NAV2: variants seen among roughly 807,000 people sequenced by gnomAD.
The protein encoded by NAV2 is helicase, APC down-regulated 1.
A neutral mutation model predicts 223.2 loss-of-function variants in NAV2; 54 were observed. The observed-to-expected ratio is 0.24, with a 90% CI of 0.19 to 0.30. The LOEUF (loss-of-function observed/expected upper bound fraction) is 0.30. Among genes scored for constraint, NAV2 ranks in the 10% least tolerant of loss-of-function variants. The pLI is 1.00. For synonymous variants in NAV2, 1,279 were observed against 1,239.3 expected (o/e 1.03, Z -0.67); for missense variants, 2,806 against 3,147.5 (o/e 0.89, Z 2.60).
chr11:19,420,656 C>T lies in NAV2; in HGVS notation c.75+69629C>T, dbSNP rs146115581. 1.1e-3 allele frequency among the ~76,000 whole-genome samples: 166 copies of T among 152,256 alleles called. 1 individual carries two copies. Among genetic ancestry groups the T allele is most frequent in the African/African-American group, 3.7e-3 (155 of 41,552 alleles). The stretch of plus-strand genomic sequence containing the variant: ...AAGAAGCCAGACACAAGACTCCATA[C>T]GTACGATTTCACTTCTATAAAGTTC... On this transcript the variant is annotated intron_variant, in intron 1 of 37. Transcript: ENST00000360655.
chr11:19,506,304 G>A (rs924419295), intron 1 of NAV2: 13 of 152,230 alleles, frequency 8.5e-5, no homozygotes, highest in Non-Finnish European at 1.8e-4. Flanking sequence ...TCCAGGACTT[G>A]TAGCCGATCT....
chr11:19,596,870 T>C (rs924053671), intron 1 of NAV2, among the ~76,000 whole-genome samples: 1 of 152,222 alleles, frequency 6.6e-6, no homozygotes, highest in Non-Finnish European at 1.5e-5. Context: ...GCTGTTCGTC[T>C]TTACGGCAAA....
At chr11:19,454,950 GCAGCAGCATCACCTGCGAA>G (rs1241323136) in intron 1 of NAV2, among the ~76,000 whole-genome samples, 1 of 152,178 alleles carries the variant, frequency 6.6e-6, no homozygotes, top group Non-Finnish European at 1.5e-5. Flanking sequence ...TGGGCCAGCA[GCAGCAGCATCACCTGCGAA>G]CAGGTTAGAA....
intron 1 of NAV2, among the ~76,000 whole-genome samples, chr11:19,674,522 G>T (rs1291315306): frequency 6.6e-6 from 1 of 152,206 alleles, no homozygotes; most frequent in Admixed American, 6.5e-5. Flanking sequence ...TTTGCAGTGA[G>T]CAGTTTGTTC....
At chr11:20,031,141 A>G (rs1433613856) in intron 11 of NAV2, among the ~76,000 whole-genome samples, 1 of 152,206 alleles carries the variant, frequency 6.6e-6, no homozygotes, top group Admixed American at 6.5e-5. Flanking sequence ...TGATGGTTCC[A>G]GAATCATAGC....
chr11:19,885,207 C>T (rs570203743), intron 5 of NAV2, among the ~76,000 whole-genome samples: 36 of 152,224 alleles, frequency 2.4e-4, no homozygotes, highest in Non-Finnish European at 4.7e-4. Context: ...CTCCATTTCA[C>T]AGATGAGGAA....
At chr11:19,898,814 T>A (rs1268403286) in intron 6 of NAV2, among the ~76,000 whole-genome samples, 1 of 152,222 alleles carries the variant, frequency 6.6e-6, no homozygotes, top group Non-Finnish European at 1.5e-5. Flanking sequence ...TTGATAGCAC[T>A]TTTATCACTG....
At chr11:20,073,197 TG>T (rs1358937639) in intron 22 of NAV2, among the ~76,000 whole-genome samples, 2 of 152,136 alleles carry the variant, frequency 1.3e-5, no homozygotes, top group Non-Finnish European at 2.9e-5. Flanking sequence ...GATAATCATG[TG>T]GTTTTTGTCT....
intron 1 of NAV2, among the ~76,000 whole-genome samples, chr11:19,647,702 A>G (rs2047856726): frequency 6.6e-6 from 1 of 152,048 alleles, no homozygotes; most frequent in Admixed American, 6.6e-5. Flanking sequence ...CTGGCCAAGG[A>G]TGGATGTGGA....
chr11:19,970,873 C>T (rs913668417), intron 10 of NAV2, among the ~76,000 whole-genome samples: 6 of 152,116 alleles, frequency 3.9e-5, no homozygotes, highest in Non-Finnish European at 5.9e-5. Flanking sequence ...TCTTTGAAAT[C>T]CCCCCAGATC....
intron 1 of NAV2, among the ~76,000 whole-genome samples, chr11:19,525,771 G>A (rs529092707): frequency 6.6e-6 from 1 of 152,250 alleles, no homozygotes; most frequent in East Asian, 1.9e-4. Flanking sequence ...GACAAAAAAT[G>A]CCTCCTGGAG....
intron 1 of NAV2, among the ~76,000 whole-genome samples, chr11:19,465,575 G>T (rs987668594): frequency 2.0e-5 from 3 of 152,254 alleles, no homozygotes; most frequent in South Asian, 2.1e-4. Flanking sequence ...ATAGAAACAG[G>T]AACTCGAGAG....
intron 11 of NAV2, among the ~76,000 whole-genome samples, chr11:20,034,416 G>A (rs1369521756): frequency 7.0e-6 from 1 of 142,060 alleles, no homozygotes; most frequent in Non-Finnish European, 1.5e-5. Context: ...GTCTTACTCT[G>A]TTGCCCAGGC....
rs188213391 is a variant in NAV2 at position 19,858,287 on chromosome 11, C to T, written c.439-10638C>T. Among the ~76,000 whole-genome samples the T allele has an allele frequency of 5.3e-4, 81 of 152,310 alleles. 1 individual carries two copies. In the East Asian group the frequency reaches 0.014, roughly 26 times the overall value. On this transcript the variant is annotated intron_variant, in intron 3 of 37. Coordinates refer to ENST00000349880, the MANE Select transcript of NAV2 (RefSeq NM_145117.5). ...ATGAATTCAACTTTTTATTATCTCA[C>T]GTATAAACAAGATCATGCAGGACTT...
intron 1 of NAV2, among the ~76,000 whole-genome samples, chr11:19,628,437 G>A (rs2047237990): frequency 2.0e-5 from 3 of 152,170 alleles, no homozygotes; most frequent in Admixed American, 6.5e-5. Context: ...GGGCACACTC[G>A]TACAGAGTAT....
At chr11:19,887,708 C>A (rs1014155779) in intron 5 of NAV2, among the ~76,000 whole-genome samples, 1 of 152,108 alleles carries the variant, frequency 6.6e-6, no homozygotes, top group African/African-American at 2.4e-5. Flanking sequence ...CTGTATGCAA[C>A]TATCTTGTGG....
chr11:19,345,690 G>T, the NAV2 span, among the ~76,000 whole-genome samples: 6 of 152,256 alleles, frequency 3.9e-5, no homozygotes, highest in Admixed American at 3.9e-4. The surrounding 1 kb of genome is among the most constrained non-coding windows in gnomAD (Gnocchi z 5.2). Flanking sequence ...CTGGGCGCCC[G>T]GCGCAGTGCT....
intron 10 of NAV2, among the ~76,000 whole-genome samples, chr11:19,977,451 A>G (rs1157725144): frequency 6.6e-6 from 1 of 152,164 alleles, no homozygotes; most frequent in Non-Finnish European, 1.5e-5. Flanking sequence ...CTTCGCTTGA[A>G]TTTCACCTTT....
chr11:19,403,538 A>T (rs1176705568), intron 1 of NAV2, among the ~76,000 whole-genome samples: 1 of 152,204 alleles, frequency 6.6e-6, no homozygotes, highest in African/African-American at 2.4e-5. Flanking sequence ...ATAGGGAGGC[A>T]TGTAGCGGCA....
Sources: allele counts gnomAD v4.1 joint callset (sites outside exome capture counted in the v4.1 genomes callset), GRCh38; gene constraint gnomAD v4.1.1; non-coding constraint Gnocchi (gnomAD v3.1); transcripts MANE v1.5; gene names NCBI Gene and HGNC (gene_info 2026-07-23, HGNC 2026-07-21).